RASL10B: variants seen among roughly 807,000 people sequenced by gnomAD.
RASL10B encodes the protein RAS like family 10 member B, also known as ras-like protein family member 10B.
Under a neutral mutation model 20.7 loss-of-function variants are expected in RASL10B, and 10 were observed. The ratio of observed to expected loss-of-function variants is 0.48; its 90% confidence interval spans 0.30 to 0.82. The LOEUF is 0.82. Ranked by LOEUF, RASL10B falls within the 40% of genes least tolerant of loss-of-function variation. RASL10B has a pLI of 0.07. For synonymous variants in RASL10B, 110 were observed against 123.3 expected, an observed-to-expected ratio of 0.89 and a Z score of 0.72; for missense variants, 231 against 295.4, an observed-to-expected ratio of 0.78 and a Z score of 1.60.
At chr17:35,733,133 C>A (rs1024976021) in intron 1 of RASL10B, among the ~76,000 whole-genome samples, 6 of 152,092 alleles carry the variant, frequency 3.9e-5, no homozygotes, top group African/African-American at 1.4e-4. Flanking sequence ...TTTTTTAAAC[C>A]TTCAATAAAA....
intron 2 of RASL10B, among the ~76,000 whole-genome samples, chr17:35,738,737 T>C (rs2085610553): frequency 6.6e-6 from 1 of 152,068 alleles, no homozygotes; most frequent in Non-Finnish European, 1.5e-5. Flanking sequence ...TCCTCTCTCT[T>C]TTAGGAACCC....
At chr17:35,740,561 C>G in intron 3 of RASL10B, 28 bp downstream of exon 3, 1 of 1,607,210 alleles carries the variant, frequency 6.2e-7, no homozygotes, top group South Asian at 1.1e-5. Context: ...AGTCCATTGC[C>G]ACCTCTGTGG....
intron 2 of RASL10B, among the ~76,000 whole-genome samples, chr17:35,739,176 ACT>A (rs2085612870): frequency 6.6e-6 from 1 of 152,182 alleles, no homozygotes; most frequent in African/African-American, 2.4e-5. Flanking sequence ...GTTGGACTTA[ACT>A]CTGCACTACT....
intron 2 of RASL10B, chr17:35,737,101 T>C (rs2085597981): frequency 6.6e-6 from 1 of 152,250 alleles, no homozygotes. Context: ...GAAAATGCAT[T>C]CTTCCCTGCT....
At position 35,743,138 on chromosome 17, in the gene RASL10B, G is replaced by C. The variant is rs1217390599; in HGVS notation, c.*1833G>C. ...CTTCCCCACACCTTAGAGTGGCTGG[G>C]AGGGTAACAAAGAGGGCCTGCCCCT... On this transcript the variant is annotated 3_prime_UTR_variant, in exon 4 of 4. Coordinates refer to ENST00000603017, the MANE Select transcript of RASL10B (RefSeq NM_033315.4). The C allele has an allele frequency of 6.5e-6, 1 of 152,692 alleles. No homozygotes were observed. Among genetic ancestry groups the C allele is most frequent in the Non-Finnish European group, 1.5e-5 (1 of 68,094 alleles). 9.5% of individuals were successfully genotyped at this position (152,692 alleles called of 1,614,324 possible).
At chr17:35,734,397 G>A (rs781935483) in intron 1 of RASL10B, among the ~76,000 whole-genome samples, 11 of 152,160 alleles carry the variant, frequency 7.2e-5, no homozygotes, top group African/African-American at 1.9e-4. Context: ...TAGAGATGTC[G>A]TACTGACCAA....
At chr17:35,736,135 T>C (rs1050732190) in intron 2 of RASL10B, among the ~76,000 whole-genome samples, 9 of 152,182 alleles carry the variant, frequency 5.9e-5, no homozygotes, top group South Asian at 2.1e-4. Context: ...TCCTCACTTA[T>C]TGTGTTCCTT....
intron 2 of RASL10B, among the ~76,000 whole-genome samples, chr17:35,738,521 C>G (rs1234011640): frequency 6.6e-6 from 1 of 152,140 alleles, no homozygotes; most frequent in African/African-American, 2.4e-5. Context: ...CTGAGATTAT[C>G]AGGTGCTTGC....
At position 35,741,200 on chromosome 17, in the gene RASL10B, C is replaced by T; in HGVS notation, c.507C>T (p.Leu169=). The change falls in exon 4 of 4, where the codon CTC becomes CTT. Residue 169 remains leucine, a synonymous_variant. Transcript: ENST00000603017. The part of the protein sequence containing the change: ...SAKYNWHILL[L]FSELLKSVGC... ...AGTACAACTGGCACATCCTGCTGCT[C>T]TTCAGCGAGCTGCTCAAGAGCGTCG... 1 of 1,613,066 alleles carries T rather than the reference C, an allele frequency of 6.2e-7. No homozygotes were observed. The highest frequency in any genetic ancestry group is 8.5e-7 in the Non-Finnish European group (1 of 1,179,962).
At position 35,741,400 on chromosome 17, in the gene RASL10B, T is replaced by C; in HGVS notation, c.*95T>C. The C allele has an allele frequency of 2.2e-6, 3 of 1,363,894 alleles. No homozygotes were observed. The highest frequency in any genetic ancestry group is 2.8e-6 in the Non-Finnish European group (3 of 1,062,960). 84.5% of individuals were successfully genotyped at this position (1,363,894 alleles called of 1,614,324 possible). ...GCGGGGAGCGGGCGGGAAATGGAAC[T>C]GTGACGGTCCCGGCCTGAGGCCCCT... On this transcript the variant is annotated 3_prime_UTR_variant, in exon 4 of 4. Coordinates refer to ENST00000603017, the MANE Select transcript of RASL10B (RefSeq NM_033315.4).
intron 2 of RASL10B, among the ~76,000 whole-genome samples, chr17:35,738,854 C>G (rs1195617948): frequency 6.6e-6 from 1 of 152,080 alleles, no homozygotes; most frequent in African/African-American, 2.4e-5. Flanking sequence ...GCTCCCTCTC[C>G]CCAGCAGACA....
chr17:35,740,139 T>A (rs1333426468), intron 2 of RASL10B, among the ~76,000 whole-genome samples: 8 of 152,190 alleles, frequency 5.3e-5, no homozygotes, highest in African/African-American at 1.9e-4. Context: ...GGGCACGACA[T>A]GGAGCAAGGC....
In RASL10B at chr17:35,736,428, C is replaced by T. The variant is rs587634555; in HGVS notation, c.216+1028C>T. Among the ~76,000 whole-genome samples the T allele has an allele frequency of 8.5e-4, 130 of 152,346 alleles. 1 individual carries two copies. Among genetic ancestry groups the T allele is most frequent in the African/African-American group, 2.9e-3 (120 of 41,574 alleles). On this transcript the variant is annotated intron_variant, in intron 2 of 3. Transcript: ENST00000603017. ...GCAGCTCAGCACTCAGCACTCTCGG[C>T]AACACCAGGCAGGAGGGCCCTGGCC...
Position 35,741,484 on chromosome 17 carries a change from C to T in RASL10B, c.*179C>T. On this transcript the variant is annotated 3_prime_UTR_variant, in exon 4 of 4. Transcript: ENST00000603017. ...CGAGAGGGAGCCCTCCGTAACTGCC[C>T]AGCCCTGCCCCTTGCCCCCGTGGCT... The T allele has an allele frequency of 1.1e-6, 1 of 951,318 alleles. No homozygotes were observed. The highest frequency in any genetic ancestry group is 1.4e-6 in the Non-Finnish European group (1 of 698,078). 58.9% of individuals were successfully genotyped at this position (951,318 alleles called of 1,614,324 possible).
At position 35,741,580 on chromosome 17, in the gene RASL10B, T is replaced by C. The variant is rs1555598004; in HGVS notation, c.*275T>C. ...CCCGACCCGCGGGGGTGCCACAGCCTTTTGGGATGGGGGTGAGCGTGCAAT... is the reference window on the plus strand; with the variant it reads ...CCCGACCCGCGGGGGTGCCACAGCCCTTTGGGATGGGGGTGAGCGTGCAAT... On this transcript the variant is annotated 3_prime_UTR_variant, in exon 4 of 4. Coordinates refer to ENST00000603017, the MANE Select transcript of RASL10B (RefSeq NM_033315.4). The C allele has an allele frequency of 4.9e-6, 2 of 407,778 alleles. No homozygotes were observed. Among genetic ancestry groups the C allele is most frequent in the East Asian group, 3.9e-5 (1 of 25,518 alleles). The allele number at this position is 407,778 out of a possible 1,614,324, so 25.3% of individuals were successfully genotyped here. A position where few individuals can be genotyped will look rare whatever the true frequency, so the allele number is the denominator to read the frequency against.
Position 35,740,518 on chromosome 17 carries a change from A to G in RASL10B, c.326A>G (p.Gln109Arg), listed in dbSNP as rs2085622784. The G allele has an allele frequency of 6.2e-7, 1 of 1,613,558 alleles. No individual in the cohort carries two copies. Among genetic ancestry groups the G allele is most frequent in the Admixed American group, 1.7e-5 (1 of 60,006 alleles). Residue 109 changes from glutamine to arginine, a missense_variant, in exon 3 of 4, where the codon CAG becomes CGG. Coordinates refer to ENST00000603017, the MANE Select transcript of RASL10B (RefSeq NM_033315.4). ...SFEYVKTIRQ[Q>R]ILETRVIGTS... ...GAGTACGTCAAGACCATCCGCCAGC[A>G]GATCCTGGAGACGAGGTGAGAGGCT...
In RASL10B at chr17:35,735,359, G is replaced by A. The variant is rs1204228965; in HGVS notation, c.175G>A (p.Asp59Asn). ...NGHVHDLQIL[D>N]FPPISAFPVN... Reference sequence around the variant, plus strand: ...CCACGTGCACGACCTCCAGATCCTCGACTTTCCACCCATCAGCGCCTTCCC... The same window carrying A: ...CCACGTGCACGACCTCCAGATCCTCAACTTTCCACCCATCAGCGCCTTCCC... The change falls in exon 2 of 4, where the codon GAC becomes AAC. Residue 59 changes from aspartate to asparagine, a missense_variant. By Grantham distance (23) the Asp-to-Asn change is conservative. Coordinates refer to ENST00000603017, the MANE Select transcript of RASL10B (RefSeq NM_033315.4). This position sits in a 1 kb window ranked among gnomAD's most constrained non-coding sequence, Gnocchi z 6.7. 1.2e-6 allele frequency: 2 copies of A among 1,614,166 alleles called. No homozygotes were observed. Among genetic ancestry groups the A allele is most frequent in the East Asian group, 4.5e-5 (2 of 44,894 alleles).
intron 2 of RASL10B, chr17:35,736,835 A>G (rs2085596368): frequency 6.6e-6 from 1 of 152,052 alleles, no homozygotes; most frequent in South Asian, 2.1e-4. Flanking sequence ...GCTCACTGCA[A>G]TCTTCGCCTC....
rs1555597011 is a variant in RASL10B at position 35,735,285 on chromosome 17, T to A, written c.101T>A (p.Val34Asp). 6.2e-7 allele frequency: 1 copy of A among 1,613,896 alleles called. No individual in the cohort carries two copies. The highest frequency in any genetic ancestry group is 1.1e-5 in the South Asian group (1 of 91,086). ...TACAACGAGTTCAGCGAGGTCTGCGTCCCCACCACCGCCCGCCGCCTTTAC... is the reference window on the plus strand; with the variant it reads ...TACAACGAGTTCAGCGAGGTCTGCGACCCCACCACCGCCCGCCGCCTTTAC... ...FLYNEFSEVC[V>D]PTTARRLYLP... The change falls in exon 2 of 4, where the codon GTC becomes GAC. Residue 34 changes from valine to aspartate, a missense_variant. Physicochemically the swap from Val to Asp is radical, Grantham distance 152. Coordinates refer to ENST00000603017, the MANE Select transcript of RASL10B (RefSeq NM_033315.4). This position sits in a 1 kb window ranked among gnomAD's most constrained non-coding sequence, Gnocchi z 6.7.
Sources: allele counts gnomAD v4.1 joint callset (sites outside exome capture counted in the v4.1 genomes callset), GRCh38; gene constraint gnomAD v4.1.1; non-coding constraint Gnocchi (gnomAD v3.1); transcripts MANE v1.5; gene names NCBI Gene and HGNC (gene_info 2026-07-23, HGNC 2026-07-21).